Variants in NCAM1 observed in about 807,000 individuals in gnomAD.
The protein encoded by NCAM1 is antigen recognized by monoclonal antibody 5.1H11.
NCAM1 carries 14 observed loss-of-function variants against 109.8 expected under a neutral mutation model. The observed-to-expected ratio is 0.13, with a 90% CI of 0.08 to 0.20. The LOEUF (loss-of-function observed/expected upper bound fraction) is 0.20, where lower values mean the gene tolerates loss of function less well. Ranked by LOEUF, NCAM1 falls within the 10% of genes least tolerant of loss-of-function variation. The pLI, the probability that NCAM1 is intolerant of heterozygous loss-of-function variation, is 1.00. For synonymous variants in NCAM1, 418 were observed against 442.9 expected (o/e 0.94, Z 0.70); for missense variants, 774 against 1,109.9 (o/e 0.70, Z 4.30).
intron 1 of NCAM1, among the ~76,000 whole-genome samples, chr11:113,132,211 G>A (rs1941417467): frequency 6.6e-6 from 1 of 152,156 alleles, no homozygotes; most frequent in African/African-American, 2.4e-5. Context: ...GGTCAGCTGA[G>A]TTGTTAGCAT....
At chr11:112,971,892 G>T (rs73002353) in intron 1 of NCAM1, among the ~76,000 whole-genome samples, 2,163 of 152,244 alleles carry the variant, frequency 0.014, 20 homozygotes, top group Non-Finnish European at 0.024. Flanking sequence ...GTCCTTGTTA[G>T]ATTAAAGAAA....
chr11:113,046,538 G>A (rs1467832816), intron 1 of NCAM1, among the ~76,000 whole-genome samples: 2 of 152,154 alleles, frequency 1.3e-5, no homozygotes, highest in Non-Finnish European at 2.9e-5. Flanking sequence ...CAACAGGAGG[G>A]CCAAAGGTAC....
At chr11:113,014,400 A>T (rs534187926) in intron 1 of NCAM1, among the ~76,000 whole-genome samples, 4 of 152,068 alleles carry the variant, frequency 2.6e-5, no homozygotes, top group Non-Finnish European at 5.9e-5. Flanking sequence ...GCCTTGGTCT[A>T]ATGCCAGGAG....
At chr11:113,075,066 G>A (rs921733816) in intron 1 of NCAM1, among the ~76,000 whole-genome samples, 2 of 151,994 alleles carry the variant, frequency 1.3e-5, no homozygotes, top group African/African-American at 4.8e-5. Flanking sequence ...TGTTGTTGTT[G>A]TTGTTTGTTT....
In NCAM1 at chr11:113,221,284, T is replaced by C; in HGVS notation, c.1060-12T>C. 1 of 1,558,878 alleles carries C rather than the reference T, an allele frequency of 6.4e-7. No homozygotes were observed. The highest frequency in any genetic ancestry group is 1.2e-5 in the South Asian group (1 of 84,532). On this transcript the variant is annotated splice_polypyrimidine_tract_variant and intron_variant, in intron 8 of 19. Transcript: ENST00000316851. Reference sequence around the variant, plus strand: ...TGCTTTCTTGTTGTGTTTTATATCTTGTTTTCTCCAGGCTTCGTGGACTCG... The same window carrying C: ...TGCTTTCTTGTTGTGTTTTATATCTCGTTTTCTCCAGGCTTCGTGGACTCG...
intron 1 of NCAM1, among the ~76,000 whole-genome samples, chr11:112,969,670 A>G (rs1488884778): frequency 1.3e-5 from 2 of 152,162 alleles, no homozygotes; most frequent in Non-Finnish European, 2.9e-5. Context: ...GTATGTACTC[A>G]TTATGTGCTT....
In NCAM1 at chr11:113,191,690, AAGAT is replaced by A. The variant is rs75745163; in HGVS notation, c.53-10681_53-10678del. On this transcript the variant is annotated intron_variant, in intron 1 of 19. Transcript: ENST00000316851. ...TGAAGTGCTTGGTACAGTGGCACAG[AAGAT>A]AGATAGAGATAGATAGATACACATG... 0.019 allele frequency among the ~76,000 whole-genome samples: 2,888 copies of A among 152,182 alleles called. 149 individuals carry two copies. The East Asian group carries it at 0.22, about 12-fold the overall frequency.
chr11:113,164,204 A>G lies in NCAM1; in HGVS notation c.53-38175A>G, dbSNP rs553488563. On this transcript the variant is annotated intron_variant, in intron 1 of 19. Transcript: ENST00000316851. ...ACTTAGCACTGCACTCTGAACTAAG[A>G]GTGGAGAAGAGGACTCCATGGTAAG... Among the ~76,000 whole-genome samples, 3 of 152,246 alleles carry G rather than the reference A, an allele frequency of 2.0e-5. No homozygotes were observed. The South Asian group carries it at 6.2e-4, about 32-fold the overall frequency.
At position 113,274,931 on chromosome 11, in the gene NCAM1, C is replaced by T. The variant is rs1171341123; in HGVS notation, c.2457-336C>T. 6.6e-6 allele frequency among the ~76,000 whole-genome samples: 1 copy of T among 152,214 alleles called. No individual in the cohort carries two copies. Among genetic ancestry groups the T allele is most frequent in the African/African-American group, 2.4e-5 (1 of 41,466 alleles). ...CCTCTGCTGCCCCCTTCCACCACCC[C>T]AGGTAAAAACACAGCCTCTGGCATC... On this transcript the variant is annotated intron_variant, in intron 19 of 19. Transcript: ENST00000316851. The surrounding 1 kb of genome is among the most constrained non-coding windows in gnomAD (Gnocchi z 4.1).
At chr11:113,158,282 C>T (rs1367761738) in intron 1 of NCAM1, among the ~76,000 whole-genome samples, 1 of 150,350 alleles carries the variant, frequency 6.7e-6, no homozygotes, top group African/African-American at 2.4e-5. Context: ...GACAGGCTTA[C>T]TTCATTCATT....
chr11:113,191,123 C>T (rs1191314308), intron 1 of NCAM1, among the ~76,000 whole-genome samples: 1 of 152,124 alleles, frequency 6.6e-6, no homozygotes, highest in Non-Finnish European at 1.5e-5. Context: ...AACTAGCAGC[C>T]CCCGACCCCA....
intron 1 of NCAM1, among the ~76,000 whole-genome samples, chr11:113,072,507 A>G (rs576774844): frequency 6.6e-6 from 1 of 152,300 alleles, no homozygotes; most frequent in East Asian, 1.9e-4. Flanking sequence ...AAAAAGCCAA[A>G]TAAATCTAGA....
At chr11:113,096,336 G>T (rs1055465343) in intron 1 of NCAM1, among the ~76,000 whole-genome samples, 2 of 152,186 alleles carry the variant, frequency 1.3e-5, no homozygotes, top group Non-Finnish European at 2.9e-5. Flanking sequence ...AATGACAAGG[G>T]AGCCTGAGGA....
chr11:113,079,132 A>G (rs533069114), intron 1 of NCAM1, among the ~76,000 whole-genome samples: 70 of 152,220 alleles, frequency 4.6e-4, no homozygotes, highest in Non-Finnish European at 7.9e-4. Flanking sequence ...TCGAGTTTAC[A>G]TGAGGCTGTG....
intron 1 of NCAM1, among the ~76,000 whole-genome samples, chr11:113,037,801 G>T (rs1255670428): frequency 6.6e-6 from 1 of 152,160 alleles, no homozygotes; most frequent in Non-Finnish European, 1.5e-5. Flanking sequence ...CATGTCTCTT[G>T]TACTGTGCCT....
intron 1 of NCAM1, among the ~76,000 whole-genome samples, chr11:113,025,868 C>A (rs1341015020): frequency 6.9e-6 from 1 of 145,664 alleles, no homozygotes; most frequent in Non-Finnish European, 1.5e-5. Flanking sequence ...TAAGAAAAAT[C>A]AGCGTGGGTT....
intron 1 of NCAM1, among the ~76,000 whole-genome samples, chr11:113,012,095 T>G (rs972207346): frequency 6.6e-6 from 1 of 151,894 alleles, no homozygotes; most frequent in African/African-American, 2.4e-5. Context: ...CTTGGCTCAC[T>G]GCAACCTCCA....
In NCAM1 at chr11:112,962,124, G is replaced by A. The variant is rs1950581183; in HGVS notation, c.52+460G>A. Reference sequence around the variant, plus strand: ...GGGAAGAGTGAACAATAAGGCTAGGGCAGCCGCCCCAGATCGTTATATTCC... The same window carrying A: ...GGGAAGAGTGAACAATAAGGCTAGGACAGCCGCCCCAGATCGTTATATTCC... On this transcript the variant is annotated intron_variant, in intron 1 of 19. Coordinates refer to ENST00000316851, the MANE Select transcript of NCAM1 (RefSeq NM_181351.5). The surrounding 1 kb of genome is among the most constrained non-coding windows in gnomAD (Gnocchi z 5.6). Among the ~76,000 whole-genome samples the A allele has an allele frequency of 6.6e-6, 1 of 152,224 alleles. No homozygotes were observed. The highest frequency in any genetic ancestry group is 1.9e-4 in the East Asian group (1 of 5,182).
intron 1 of NCAM1, among the ~76,000 whole-genome samples, chr11:113,078,748 G>T (rs1447827660): frequency 2.0e-5 from 3 of 152,090 alleles, no homozygotes; most frequent in African/African-American, 7.2e-5. Flanking sequence ...GTCCACAGTA[G>T]CTCACTTCTA....
Sources: allele counts gnomAD v4.1 joint callset (sites outside exome capture counted in the v4.1 genomes callset), GRCh38; gene constraint gnomAD v4.1.1; non-coding constraint Gnocchi (gnomAD v3.1); transcripts MANE v1.5; gene names NCBI Gene and HGNC (gene_info 2026-07-23, HGNC 2026-07-21).